The following RB1CC1 variants were observed in gnomAD, a reference collection of about 807,000 sequenced individuals.
RB1CC1 encodes RB1-inducible coiled-coil protein 1.
Under a neutral mutation model 177.5 loss-of-function variants are expected in RB1CC1, and 46 were observed. That is an observed-to-expected ratio of 0.26 (90% CI 0.20 to 0.33). The LOEUF (loss-of-function observed/expected upper bound fraction) is 0.33. Among genes scored for constraint, RB1CC1 ranks in the 10% least tolerant of loss-of-function variants. The probability of loss-of-function intolerance (pLI) is 1.00; values close to 1 mark genes in which losing one functional copy is unlikely to be tolerated. For missense variants in RB1CC1, 1,703 were observed against 1,816.3 expected (o/e 0.94, Z 1.13); for synonymous variants, 666 against 613.6 (o/e 1.09, Z -1.26).
intron 1 of RB1CC1, among the ~76,000 whole-genome samples, chr8:52,697,294 CTA>C (rs1855507062): frequency 1.1e-5 from 1 of 91,786 alleles, no homozygotes; most frequent in African/African-American, 4.7e-5. Flanking sequence ...CAAATGGTTA[CTA>C]AAAAAAAAAA....
At chr8:52,701,956 T>C (rs1856108532) in intron 1 of RB1CC1, among the ~76,000 whole-genome samples, 1 of 152,016 alleles carries the variant, frequency 6.6e-6, no homozygotes, top group Non-Finnish European at 1.5e-5. Flanking sequence ...TACAGGCACC[T>C]GCCACCACGT....
At chr8:52,696,201 C>A (rs771028130) in intron 1 of RB1CC1, among the ~76,000 whole-genome samples, 1 of 152,124 alleles carries the variant, frequency 6.6e-6, no homozygotes, top group Non-Finnish European at 1.5e-5. Flanking sequence ...CCCACCACCA[C>A]GCCCGGCTAA....
In RB1CC1 at chr8:52,683,734, A is replaced by G. The variant is rs753705851; in HGVS notation, c.199-15T>C. Reference sequence around the variant, plus strand: ...GGATTTGTATCCTATATTTTTTAAAAAAGGAGAAATAACCAAAATAAAATG... The same window carrying G: ...GGATTTGTATCCTATATTTTTTAAAGAAGGAGAAATAACCAAAATAAAATG... On this transcript the variant is annotated splice_polypyrimidine_tract_variant and intron_variant, in intron 4 of 23. Coordinates refer to ENST00000025008, the MANE Select transcript of RB1CC1 (RefSeq NM_014781.5). 1.3e-6 allele frequency: 2 copies of G among 1,565,142 alleles called. No homozygotes were observed. The highest frequency in any genetic ancestry group is 2.8e-5 in the African/African-American group (2 of 72,460).
chr8:52,643,927 T>A (rs1849788568), intron 16 of RB1CC1, among the ~76,000 whole-genome samples: 1 of 151,932 alleles, frequency 6.6e-6, no homozygotes, highest in Admixed American at 6.6e-5. Context: ...AAAATTTTAA[T>A]AAATTCATTA....
intron 12 of RB1CC1, 40 bp downstream of exon 12, chr8:52,660,556 A>ATT: frequency 6.6e-7 from 1 of 1,509,198 alleles, no homozygotes; most frequent in Non-Finnish European, 9.0e-7. Flanking sequence ...AGGTTTTAAA[A>ATT]CATATGGAAT....
chr8:52,658,773 C>A, intron 13 of RB1CC1, 100 bp downstream of exon 13: 1 of 708,914 alleles, frequency 1.4e-6, no homozygotes, highest in South Asian at 2.8e-5. Context: ...TATTTCTTAT[C>A]TTGGCACCTC....
intron 21 of RB1CC1, among the ~76,000 whole-genome samples, chr8:52,629,402 G>A (rs1848607255): frequency 6.6e-6 from 1 of 152,084 alleles, no homozygotes; most frequent in Admixed American, 6.5e-5. Flanking sequence ...ATACAGTGCA[G>A]GAAAATTATT....
chr8:52,636,184 A>T, intron 18 of RB1CC1, 115 bp from the exon 19 acceptor site: 1 of 1,204,212 alleles, frequency 8.3e-7, no homozygotes, highest in Non-Finnish European at 1.1e-6. Context: ...GTTTTCATAA[A>T]TTTTCAAAAG....
intron 2 of RB1CC1, 127 bp downstream of exon 2, chr8:52,686,726 C>T (rs948466978): frequency 3.6e-6 from 1 of 275,412 alleles, no homozygotes; most frequent in African/African-American, 2.3e-5. Context: ...ATGCTCTTTC[C>T]ACATAAGCCT....
intron 18 of RB1CC1, among the ~76,000 whole-genome samples, chr8:52,641,527 TC>T (rs1849583989): frequency 6.6e-6 from 1 of 152,126 alleles, no homozygotes; most frequent in Non-Finnish European, 1.5e-5. Flanking sequence ...TTGCTCAAGT[TC>T]CCAAGCAGGT....
chr8:52,632,952 C>G (rs1848869733), intron 20 of RB1CC1, among the ~76,000 whole-genome samples: 1 of 152,218 alleles, frequency 6.6e-6, no homozygotes, highest in Admixed American at 6.5e-5. Flanking sequence ...GCATAAGTGA[C>G]AATTCCTCTA....
At chr8:52,662,354 G>A (rs894124191) in intron 8 of RB1CC1, among the ~76,000 whole-genome samples, 14 of 151,820 alleles carry the variant, frequency 9.2e-5, no homozygotes, top group African/African-American at 3.4e-4. Flanking sequence ...GTAGGTGAAC[G>A]GTGTATCTGT....
rs147082865 is a variant in RB1CC1, at chr8:52,685,316, CT to C, written c.71+82del. The C allele has an allele frequency of 6.7e-3, 7,466 of 1,115,696 alleles. 246 individuals are homozygous for C. In the African/African-American group the frequency reaches 0.08, roughly 12 times the overall value. 69.1% of individuals were successfully genotyped at this position (1,115,696 alleles called of 1,614,324 possible). A position where few individuals can be genotyped will look rare whatever the true frequency, so the allele number is the denominator to read the frequency against. ...ACCGCACCCGGCCGCCATTATCCTACTTTTTAAACAGTAGAATAATATTTCT... is the reference window on the plus strand; with the variant it reads ...ACCGCACCCGGCCGCCATTATCCTACTTTTAAACAGTAGAATAATATTTCT... On this transcript the variant is annotated intron_variant, in intron 3 of 23. Coordinates refer to ENST00000025008, the MANE Select transcript of RB1CC1 (RefSeq NM_014781.5).
At chr8:52,696,512 C>T (rs1855427776) in intron 1 of RB1CC1, among the ~76,000 whole-genome samples, 1 of 152,050 alleles carries the variant, frequency 6.6e-6, no homozygotes, top group Non-Finnish European at 1.5e-5. Flanking sequence ...CTTTAAAAGG[C>T]TTCTACTGGC....
intron 22 of RB1CC1, among the ~76,000 whole-genome samples, chr8:52,625,950 A>G (rs1439606006): frequency 2.6e-5 from 4 of 152,234 alleles, no homozygotes; most frequent in Non-Finnish European, 5.9e-5. Context: ...CACGAAAGAT[A>G]TCCCAAATAA....
intron 20 of RB1CC1, among the ~76,000 whole-genome samples, chr8:52,634,423 G>T (rs1330742540): frequency 6.6e-6 from 1 of 151,950 alleles, no homozygotes; most frequent in African/African-American, 2.4e-5. Flanking sequence ...CTACTCGGGA[G>T]GCTAATGCAC....
At chr8:52,636,126 G>T (rs1156972144) in intron 18 of RB1CC1, 57 bp from the exon 19 acceptor site, 3 of 1,533,024 alleles carry the variant, frequency 2.0e-6, no homozygotes, top group African/African-American at 2.8e-5. Context: ...CATTCTTCAA[G>T]ATTTTAGAAA....
chr8:52,705,720 CTCAGAAGGTTGAG>C (rs1172687756), intron 1 of RB1CC1, among the ~76,000 whole-genome samples: 1 of 152,110 alleles, frequency 6.6e-6, no homozygotes, highest in African/African-American at 2.4e-5. Flanking sequence ...GTCCTAGCTA[CTCAGAAGGTTGAG>C]GCAGGAGGAT....
At chr8:52,698,970 C>T (rs1445862043) in intron 1 of RB1CC1, among the ~76,000 whole-genome samples, 3 of 151,940 alleles carry the variant, frequency 2.0e-5, no homozygotes, top group African/African-American at 7.3e-5. Context: ...GGATTACAGG[C>T]ATGAACCAGC....
Sources: gnomAD v4.1 joint callset for allele counts (sites outside exome capture counted in the v4.1 genomes callset) on GRCh38, gnomAD v4.1.1 for gene constraint, MANE v1.5 for transcripts, NCBI Gene and HGNC (gene_info 2026-07-23, HGNC 2026-07-21) for gene names.